Variants in MAP3K13 observed in about 807,000 individuals in gnomAD.
The protein encoded by MAP3K13 is leucine zipper-bearing kinase.
In MAP3K13, 52 loss-of-function variants were observed where a neutral mutation model predicts 104.0. That is an observed-to-expected ratio of 0.50 (90% CI 0.40 to 0.63). The LOEUF (loss-of-function observed/expected upper bound fraction) is 0.63. Ranked by LOEUF, MAP3K13 falls within the 20% of genes least tolerant of loss-of-function variation. The probability of loss-of-function intolerance (pLI) is 0.00; values close to 1 mark genes in which losing one functional copy is unlikely to be tolerated. For synonymous variants in MAP3K13, 394 were observed against 442.2 expected, an observed-to-expected ratio of 0.89 and a Z score of 1.37; for missense variants, 914 against 1,218.5, an observed-to-expected ratio of 0.75 and a Z score of 3.72.
chr3:185,468,735 C>G (rs544151839), intron 10 of MAP3K13, among the ~76,000 whole-genome samples: 4 of 152,342 alleles, frequency 2.6e-5, no homozygotes, highest in African/African-American at 9.6e-5. Flanking sequence ...CTTTTACCTT[C>G]TGCCCCAACC....
At chr3:185,428,064 A>C (rs1250839764) in intron 1 of MAP3K13, among the ~76,000 whole-genome samples, 1 of 150,756 alleles carries the variant, frequency 6.6e-6, no homozygotes, top group Non-Finnish European at 1.5e-5. Flanking sequence ...GGGCAACAAG[A>C]GCAAAACTCC....
intron 7 of MAP3K13, among the ~76,000 whole-genome samples, chr3:185,452,819 G>A (rs986684828): frequency 6.6e-6 from 1 of 152,130 alleles, no homozygotes; most frequent in African/African-American, 2.4e-5. Context: ...GTGTTCTCAG[G>A]GTAACAAATG....
chr3:185,415,123 C>G lies in MAP3K13; in HGVS notation c.-85-13374C>G, dbSNP rs560331875. ...TAAGCAGCACACTATCCATCACTTC[C>G]CAAGTGGCATATATTTTTTATTTTT... is the stretch of plus-strand genomic sequence containing the variant. On this transcript the variant is annotated intron_variant, in intron 1 of 13. Transcript: ENST00000265026. Among the ~76,000 whole-genome samples the G allele has an allele frequency of 7.9e-5, 12 of 152,200 alleles. No individual in the cohort carries two copies. The East Asian group carries it at 2.1e-3, about 27-fold the overall frequency.
upstream of MAP3K13, among the ~76,000 whole-genome samples, chr3:185,360,818 C>CTTTTTTTTT (rs532196266): frequency 5.1e-5 from 4 of 78,092 alleles, no homozygotes; most frequent in South Asian, 5.0e-4. Context: ...ACAGCTTTAG[C>CTTTTTTTTT]TTTTTTTTTT....
intron 2 of MAP3K13, among the ~76,000 whole-genome samples, chr3:185,286,916 C>T (rs1235775058): frequency 6.6e-6 from 1 of 151,946 alleles, no homozygotes; most frequent in African/African-American, 2.4e-5. Context: ...AAACAAACAG[C>T]AAGGCTTTAG....
At chr3:185,447,768 T>C in intron 4 of MAP3K13, 21 bp from the exon 5 acceptor site, 1 of 1,576,236 alleles carries the variant, frequency 6.3e-7, no homozygotes, top group South Asian at 1.2e-5. Flanking sequence ...CCAGATGTTT[T>C]CTTTTTATTT....
chr3:185,317,922 C>G (rs892943526), intron 2 of MAP3K13, among the ~76,000 whole-genome samples: 1 of 150,068 alleles, frequency 6.7e-6, no homozygotes, highest in Non-Finnish European at 1.5e-5. Context: ...CCAGAACTGA[C>G]AGGGGAATTC....
intron 2 of MAP3K13, among the ~76,000 whole-genome samples, chr3:185,288,853 T>C (rs1720631693): frequency 6.6e-6 from 1 of 152,180 alleles, no homozygotes; most frequent in Non-Finnish European, 1.5e-5. Context: ...CAAAAATTTA[T>C]TGCTGTTCAA....
At chr3:185,440,401 A>C (rs1301936392) in intron 3 of MAP3K13, among the ~76,000 whole-genome samples, 1 of 152,154 alleles carries the variant, frequency 6.6e-6, no homozygotes, top group African/African-American at 2.4e-5. Context: ...TACCTTCAAA[A>C]ATGTTTATGT....
chr3:185,293,035 G>T (rs1444284692), intron 2 of MAP3K13: 2 of 985,044 alleles, frequency 2.0e-6, no homozygotes, highest in African/African-American at 3.5e-5. Context: ...GTGAACGTGT[G>T]TGTACTTGGT....
At chr3:185,345,572 G>A (rs1216066250) in intron 2 of MAP3K13, among the ~76,000 whole-genome samples, 1 of 152,084 alleles carries the variant, frequency 6.6e-6, no homozygotes, top group African/African-American at 2.4e-5. Flanking sequence ...GATTTTCATA[G>A]GAGCAGGAAA....
intron 2 of MAP3K13, among the ~76,000 whole-genome samples, chr3:185,328,221 G>T (rs1722111177): frequency 6.6e-6 from 1 of 152,210 alleles, no homozygotes; most frequent in South Asian, 2.1e-4. Flanking sequence ...AAGTCAGGGA[G>T]AATGGAGATG....
intron 2 of MAP3K13, among the ~76,000 whole-genome samples, chr3:185,287,978 T>A (rs12330340): frequency 2.0e-5 from 3 of 152,032 alleles, no homozygotes; most frequent in Non-Finnish European, 4.4e-5. Context: ...CAGAGGTTGC[T>A]GTGAGCCAAG....
chr3:185,377,446 G>A (rs1266035403), intron 1 of MAP3K13, among the ~76,000 whole-genome samples: 2 of 152,114 alleles, frequency 1.3e-5, no homozygotes, highest in Admixed American at 1.3e-4. Context: ...GGAGAAAAGG[G>A]CGGCAATGAG....
chr3:185,424,163 G>A (rs1714288219), intron 1 of MAP3K13, among the ~76,000 whole-genome samples: 1 of 152,150 alleles, frequency 6.6e-6, no homozygotes, highest in Non-Finnish European at 1.5e-5. Flanking sequence ...AAATAACCCG[G>A]TATTTCATCC....
At chr3:185,386,676 T>C (rs775981576) in intron 1 of MAP3K13, among the ~76,000 whole-genome samples, 1 of 152,152 alleles carries the variant, frequency 6.6e-6, no homozygotes, top group Non-Finnish European at 1.5e-5. Flanking sequence ...ATAGATTGGA[T>C]AAAGAAAATG....
rs996843126 is a variant in MAP3K13 at position 185,450,207 on chromosome 3, C to T, written c.1169+149C>T. ...CCCTTTCTATCTGTGCAATTTTGGG[C>T]ACGTTATTCAATATCAGTTTTCTCA... is the stretch of plus-strand genomic sequence containing the variant. On this transcript the variant is annotated intron_variant, in intron 6 of 13. Coordinates refer to ENST00000265026, the MANE Select transcript of MAP3K13 (RefSeq NM_004721.5). The surrounding 1 kb of genome is among the most constrained non-coding windows in gnomAD (Gnocchi z 4.2). 1.6e-5 allele frequency: 9 copies of T among 566,366 alleles called. No homozygotes were observed. Among genetic ancestry groups the T allele is most frequent in the African/African-American group, 1.4e-4 (7 of 51,416 alleles). 35.1% of individuals were successfully genotyped at this position (566,366 alleles called of 1,614,324 possible). A position where few individuals can be genotyped will look rare whatever the true frequency, so the allele number is the denominator to read the frequency against.
At chr3:185,339,260 A>G (rs1384600425) in intron 2 of MAP3K13, among the ~76,000 whole-genome samples, 2 of 152,218 alleles carry the variant, frequency 1.3e-5, no homozygotes, top group African/African-American at 4.8e-5. Flanking sequence ...CGGAGGTTGC[A>G]GTGAGATGAG....
intron 1 of MAP3K13, among the ~76,000 whole-genome samples, chr3:185,413,303 C>T (rs1291221081): frequency 2.0e-5 from 3 of 152,156 alleles, no homozygotes; most frequent in Non-Finnish European, 4.4e-5. Flanking sequence ...GAATAAAGCG[C>T]ATAGAGCAGC....
Sources: allele counts gnomAD v4.1 joint callset (sites outside exome capture counted in the v4.1 genomes callset), GRCh38; gene constraint gnomAD v4.1.1; non-coding constraint Gnocchi (gnomAD v3.1); transcripts MANE v1.5; gene names NCBI Gene and HGNC (gene_info 2026-07-23, HGNC 2026-07-21).